CADPS2: variants seen among roughly 807,000 people sequenced by gnomAD.
The protein encoded by CADPS2 is calcium dependent secretion activator 2.
CADPS2 carries 93 observed loss-of-function variants against 172.5 expected under a neutral mutation model. The ratio of observed to expected loss-of-function variants is 0.54; its 90% confidence interval spans 0.46 to 0.64. The LOEUF is 0.64. Ranked by LOEUF, CADPS2 falls within the 30% of genes least tolerant of loss-of-function variation. The pLI is 0.00. For synonymous variants in CADPS2, 546 were observed against 555.2 expected, an observed-to-expected ratio of 0.98 and a Z score of 0.23; for missense variants, 1,420 against 1,565.9, an observed-to-expected ratio of 0.91 and a Z score of 1.57.
intron 2 of CADPS2, among the ~76,000 whole-genome samples, chr7:122,728,984 T>G (rs1194307594): frequency 6.6e-6 from 1 of 151,814 alleles, no homozygotes; most frequent in African/African-American, 2.4e-5. Flanking sequence ...ACTGTATGTT[T>G]GTATCCATTA....
chr7:122,684,376 C>A (rs2083403703), intron 2 of CADPS2, among the ~76,000 whole-genome samples: 1 of 151,888 alleles, frequency 6.6e-6, no homozygotes, highest in African/African-American at 2.4e-5. Context: ...GATTTTCCCC[C>A]AATATTTTAT....
intron 2 of CADPS2, among the ~76,000 whole-genome samples, chr7:122,714,041 C>A (rs1262845880): frequency 1.3e-5 from 2 of 152,056 alleles, no homozygotes; most frequent in African/African-American, 2.4e-5. Flanking sequence ...GAAGAACATT[C>A]ATGTCACCAA....
chr7:122,554,197 G>T (rs2064710638), intron 8 of CADPS2, among the ~76,000 whole-genome samples: 3 of 151,994 alleles, frequency 2.0e-5, no homozygotes, highest in Admixed American at 2.0e-4. Context: ...ACTATTTCTA[G>T]GAACCTCAAT....
At chr7:122,359,656 C>T (rs2039881650) in intron 27 of CADPS2, among the ~76,000 whole-genome samples, 2 of 152,128 alleles carry the variant, frequency 1.3e-5, no homozygotes, top group South Asian at 4.1e-4. Context: ...CCTTAATTCT[C>T]CCTTTCATGC....
chr7:122,595,887 A>T (rs1048227206), intron 6 of CADPS2, among the ~76,000 whole-genome samples: 6 of 152,062 alleles, frequency 3.9e-5, no homozygotes, highest in Non-Finnish European at 8.8e-5. Context: ...CAACAAAAGC[A>T]TGATGCATAG....
chr7:122,731,674 G>GA (rs35015771), intron 2 of CADPS2, among the ~76,000 whole-genome samples: 2,501 of 149,532 alleles, frequency 0.017, 76 homozygotes, highest in African/African-American at 0.057. Flanking sequence ...GTGAAGAGGG[G>GA]AAAAAAAAAC....
chr7:122,831,989 T>C (rs1443145008), intron 1 of CADPS2, among the ~76,000 whole-genome samples: 3 of 152,198 alleles, frequency 2.0e-5, no homozygotes, highest in Non-Finnish European at 4.4e-5. Context: ...TATGCTATAA[T>C]ATACTCTCAC....
chr7:122,789,120 A>G (rs908883855), intron 1 of CADPS2, among the ~76,000 whole-genome samples: 1 of 152,138 alleles, frequency 6.6e-6, no homozygotes, highest in African/African-American at 2.4e-5. Context: ...GCTTGGGTGC[A>G]CTGATTACCC....
chr7:122,768,199 T>C (rs2093611777), intron 1 of CADPS2, among the ~76,000 whole-genome samples: 1 of 152,126 alleles, frequency 6.6e-6, no homozygotes, highest in Non-Finnish European at 1.5e-5. Context: ...ATATTAGCCA[T>C]AGAAAAACAG....
At position 122,625,543 on chromosome 7, in the gene CADPS2, G is replaced by C. The variant is rs565823000; in HGVS notation, c.867+3705C>G. On this transcript the variant is annotated intron_variant, in intron 4 of 29. Transcript: ENST00000449022. The stretch of plus-strand genomic sequence containing the variant: ...TCAGCTGAAGGATTTATGACCAAAG[G>C]CGAAGGTTTCCTAAAGAAGCAGCAA... Among the ~76,000 whole-genome samples the C allele has an allele frequency of 6.6e-5, 10 of 152,246 alleles. No homozygotes were observed. In the East Asian group the frequency reaches 1.7e-3, roughly 26 times the overall value.
intron 6 of CADPS2, among the ~76,000 whole-genome samples, chr7:122,594,968 AAAT>A (rs992397828): frequency 4.8e-4 from 73 of 152,088 alleles, no homozygotes; most frequent in African/African-American, 1.3e-3. Context: ...CCAGATGTCT[AAAT>A]AATAAAATGC....
Position 122,501,009 on chromosome 7 carries a change from C to T in CADPS2, c.1543-9589G>A, listed in dbSNP as rs138510257. On this transcript the variant is annotated intron_variant, in intron 9 of 29. Coordinates refer to ENST00000449022, the MANE Select transcript of CADPS2 (RefSeq NM_017954.11). ...GTGGCTTGTACCTGGAATCCCAGCA[C>T]TTTGGGAGGCTGAGGTGAGATGATC... Among the ~76,000 whole-genome samples, 496 of 152,212 alleles carry T rather than the reference C, an allele frequency of 3.3e-3. 2 individuals are homozygous for T. The highest frequency in any genetic ancestry group is 0.011 in the African/African-American group (452 of 41,540).
At chr7:122,650,350 CCTTT>C (rs911028987) in intron 3 of CADPS2, among the ~76,000 whole-genome samples, 1 of 151,936 alleles carries the variant, frequency 6.6e-6, no homozygotes, top group African/African-American at 2.4e-5. Flanking sequence ...CCCATATAAT[CCTTT>C]CTTATTTATT....
chr7:122,350,366 T>C (rs949106130), intron 27 of CADPS2, among the ~76,000 whole-genome samples: 1 of 152,210 alleles, frequency 6.6e-6, no homozygotes, highest in African/African-American at 2.4e-5. Context: ...TTAAAAACAA[T>C]ATTTTTCTTT....
chr7:122,779,495 G>A (rs1792110357), intron 1 of CADPS2, among the ~76,000 whole-genome samples: 1 of 152,136 alleles, frequency 6.6e-6, no homozygotes, highest in Non-Finnish European at 1.5e-5. Context: ...CAAGTCAAAA[G>A]GCCAAGCTCA....
intron 4 of CADPS2, among the ~76,000 whole-genome samples, chr7:122,627,016 G>C (rs1466435326): frequency 6.6e-6 from 1 of 152,160 alleles, no homozygotes; most frequent in Non-Finnish European, 1.5e-5. Context: ...GTGGGAGGGG[G>C]TGTTCCTGAA....
intron 1 of CADPS2, among the ~76,000 whole-genome samples, chr7:122,761,996 CAAAAA>C (rs1163039605): frequency 3.3e-4 from 22 of 67,524 alleles, no homozygotes; most frequent in African/African-American, 1.2e-3. Context: ...GACTCTGCCT[CAAAAA>C]AAAAAAAAAA....
At chr7:122,335,614 T>C (rs933463303) in intron 28 of CADPS2, among the ~76,000 whole-genome samples, 1 of 152,214 alleles carries the variant, frequency 6.6e-6, no homozygotes, top group Non-Finnish European at 1.5e-5. Flanking sequence ...GAAAGTTATA[T>C]ATTAGAATGA....
At chr7:122,710,860 T>C (rs1053341138) in intron 2 of CADPS2, among the ~76,000 whole-genome samples, 2 of 152,144 alleles carry the variant, frequency 1.3e-5, no homozygotes, top group African/African-American at 4.8e-5. Context: ...TTAGAATATC[T>C]TGTGAGCAGT....
Sources: allele counts gnomAD v4.1 joint callset (sites outside exome capture counted in the v4.1 genomes callset), GRCh38; gene constraint gnomAD v4.1.1; transcripts MANE v1.5; gene names NCBI Gene and HGNC (gene_info 2026-07-23, HGNC 2026-07-21).